The following PCDH9 variants were observed in gnomAD, a reference collection of about 807,000 sequenced individuals.
The protein encoded by PCDH9 is protocadherin 9.
Under a neutral mutation model 70.6 loss-of-function variants are expected in PCDH9, and 24 were observed. That is an observed-to-expected ratio of 0.34 (90% CI 0.25 to 0.48). The LOEUF is 0.48. PCDH9 is among the 20% of genes least tolerant of loss of function. The pLI, the probability that PCDH9 is intolerant of heterozygous loss-of-function variation, is 0.99. For synonymous variants in PCDH9, 562 were observed against 558.5 expected (o/e 1.01, Z -0.09); for missense variants, 1,281 against 1,503.6 (o/e 0.85, Z 2.45).
intron 2 of PCDH9, among the ~76,000 whole-genome samples, chr13:67,000,664 A>G (rs937718300): frequency 6.1e-4 from 93 of 152,238 alleles, no homozygotes; most frequent in Admixed American, 3.2e-3. Context: ...CATCATTCCT[A>G]TTCTTCAATC....
At chr13:67,179,281 T>C (rs148507872) in intron 2 of PCDH9, among the ~76,000 whole-genome samples, 1 of 152,084 alleles carries the variant, frequency 6.6e-6, no homozygotes, top group Non-Finnish European at 1.5e-5. Flanking sequence ...CTTTCAGAAT[T>C]GTCAGACCCA....
rs138044770 is a variant in PCDH9 at position 66,901,520 on chromosome 13, C to T, written c.3138+1984G>A. Among the ~76,000 whole-genome samples the T allele has an allele frequency of 1.7e-3, 252 of 151,654 alleles. 1 individual carries two copies. Among genetic ancestry groups the T allele is most frequent in the African/African-American group, 5.7e-3 (238 of 41,468 alleles). ...AGAATGATGGTTAAATGAGAATTTA[C>T]GGAATGAAAGATTTATAAAAATATT... On this transcript the variant is annotated intron_variant, in intron 3 of 4. Coordinates refer to ENST00000377865, the MANE Select transcript of PCDH9 (RefSeq NM_203487.3).
chr13:66,779,849 C>CTATATA (rs1185055569), intron 3 of PCDH9, among the ~76,000 whole-genome samples: 11,141 of 78,456 alleles, frequency 0.14, 1,001 homozygotes, highest in Admixed American at 0.18. Context: ...CTCTCTCTCT[C>CTATATA]TATATATATA....
intron 2 of PCDH9, among the ~76,000 whole-genome samples, chr13:67,130,268 A>G (rs778391755): frequency 4.6e-5 from 7 of 152,212 alleles, no homozygotes; most frequent in Non-Finnish European, 8.8e-5. Context: ...TCTTGCTACT[A>G]GAAACAAAAC....
chr13:66,951,313 A>C (rs899400983), intron 2 of PCDH9, among the ~76,000 whole-genome samples: 1 of 152,204 alleles, frequency 6.6e-6, no homozygotes, highest in Non-Finnish European at 1.5e-5. Context: ...AAAGTCTACA[A>C]GAGCTGCCTG....
intron 3 of PCDH9, among the ~76,000 whole-genome samples, chr13:66,687,443 TCATGAC>T (rs2078420114): frequency 6.6e-6 from 1 of 152,154 alleles, no homozygotes; most frequent in African/African-American, 2.4e-5. Flanking sequence ...TTGACTTTCT[TCATGAC>T]TTTGTATGTT....
Position 66,780,228 on chromosome 13 carries a change from A to T in PCDH9, c.3138+123276T>A, listed in dbSNP as rs2079976349. ...ACGCTGTATACCTTAACTGTAGACAATAAAACTTATTACAGAGTAAAAGGA... is the reference window on the plus strand; with the variant it reads ...ACGCTGTATACCTTAACTGTAGACATTAAAACTTATTACAGAGTAAAAGGA... On this transcript the variant is annotated intron_variant, in intron 3 of 4. Transcript: ENST00000377865. Among the ~76,000 whole-genome samples, 3 of 152,170 alleles carry T rather than the reference A, an allele frequency of 2.0e-5. No individual in the cohort carries two copies. In the South Asian group the frequency reaches 6.2e-4, roughly 32 times the overall value.
intron 2 of PCDH9, among the ~76,000 whole-genome samples, chr13:67,189,441 G>A (rs1407163336): frequency 1.3e-5 from 2 of 152,008 alleles, no homozygotes; most frequent in Non-Finnish European, 2.9e-5. Flanking sequence ...TGTGGCTACT[G>A]TGACTGAAGA....
At chr13:66,707,281 AT>A (rs1371944804) in intron 3 of PCDH9, among the ~76,000 whole-genome samples, 3 of 152,348 alleles carry the variant, frequency 2.0e-5, no homozygotes, top group East Asian at 3.9e-4. Context: ...CTACAGAACA[AT>A]TTTGACTAGG....
intron 4 of PCDH9, among the ~76,000 whole-genome samples, chr13:66,544,716 C>T (rs1961109241): frequency 6.6e-6 from 1 of 152,018 alleles, no homozygotes. Flanking sequence ...GAGGTAACTT[C>T]CAGGTTTTTG....
intron 3 of PCDH9, among the ~76,000 whole-genome samples, chr13:66,700,112 A>G (rs2078617877): frequency 6.6e-6 from 1 of 152,178 alleles, no homozygotes; most frequent in Admixed American, 6.5e-5. Flanking sequence ...GCAAGGAACT[A>G]GTTAACGTGC....
intron 4 of PCDH9, among the ~76,000 whole-genome samples, chr13:66,612,699 A>C (rs1028521821): frequency 2.0e-5 from 3 of 152,122 alleles, no homozygotes; most frequent in African/African-American, 2.4e-5. Context: ...GAGCCTGGGG[A>C]AGTTCATGAG....
intron 3 of PCDH9, among the ~76,000 whole-genome samples, chr13:66,759,295 G>T (rs924104282): frequency 2.6e-5 from 4 of 151,814 alleles, no homozygotes; most frequent in Admixed American, 6.6e-5. Context: ...ATTTAATTAA[G>T]TAAAGGTACT....
chr13:66,655,937 C>T (rs2077922419), intron 3 of PCDH9, among the ~76,000 whole-genome samples: 1 of 152,088 alleles, frequency 6.6e-6, no homozygotes, highest in South Asian at 2.1e-4. Context: ...ACAATTAACA[C>T]AGGGTTTAAT....
At chr13:66,421,644 C>T (rs1269051180) in intron 4 of PCDH9, among the ~76,000 whole-genome samples, 1 of 152,154 alleles carries the variant, frequency 6.6e-6, no homozygotes, top group Non-Finnish European at 1.5e-5. Flanking sequence ...GCTTGCCTTA[C>T]AAGAGCTCCT....
At chr13:67,198,783 C>T (rs2089138555) in intron 2 of PCDH9, among the ~76,000 whole-genome samples, 4 of 151,792 alleles carry the variant, frequency 2.6e-5, no homozygotes, top group Admixed American at 6.6e-5. Context: ...AATAGTTACT[C>T]TCATATTTTC....
intron 3 of PCDH9, among the ~76,000 whole-genome samples, chr13:66,685,567 G>A (rs2078389683): frequency 6.6e-6 from 1 of 152,220 alleles, no homozygotes. Context: ...TAGTGGAGAT[G>A]TGAGAAGAGG....
chr13:66,899,693 A>G (rs1444657560), intron 3 of PCDH9, among the ~76,000 whole-genome samples: 3 of 151,974 alleles, frequency 2.0e-5, no homozygotes, highest in Non-Finnish European at 4.4e-5. Flanking sequence ...CAAAGTGACA[A>G]TGAAATACGG....
At chr13:67,126,414 G>C (rs896599503) in intron 2 of PCDH9, among the ~76,000 whole-genome samples, 4 of 152,084 alleles carry the variant, frequency 2.6e-5, no homozygotes, top group Admixed American at 6.5e-5. Context: ...ATTGTGGTTA[G>C]ATACCAAGAA....
Sources: gnomAD v4.1 joint callset for allele counts (sites outside exome capture counted in the v4.1 genomes callset) on GRCh38, gnomAD v4.1.1 for gene constraint, MANE v1.5 for transcripts, NCBI Gene and HGNC (gene_info 2026-07-23, HGNC 2026-07-21) for gene names.